OPA3: variants seen among roughly 807,000 people sequenced by gnomAD.
The protein encoded by OPA3 is outer mitochondrial membrane lipid metabolism regulator OPA3.
In OPA3, 6 loss-of-function variants were observed where a neutral mutation model predicts 4.0. That is an observed-to-expected ratio of 1.51 (90% confidence interval 0.83 to 2.99). The LOEUF (loss-of-function observed/expected upper bound fraction) is 2.99. Among genes scored for constraint, OPA3 ranks in the 30% most tolerant of loss-of-function variants. The pLI, the probability that OPA3 is intolerant of heterozygous loss-of-function variation, is 0.00. For synonymous variants in OPA3, 105 were observed against 117.1 expected, an observed-to-expected ratio of 0.90 and a Z score of 0.67; for missense variants, 235 against 256.2, an observed-to-expected ratio of 0.92 and a Z score of 0.56.
intron 1 of OPA3, among the ~76,000 whole-genome samples, chr19:45,557,618 G>A (rs1000068542): frequency 6.6e-5 from 10 of 152,218 alleles, no homozygotes; most frequent in African/African-American, 1.9e-4. Flanking sequence ...GCTGCGTGTC[G>A]GGTCCATTCT....
At chr19:45,539,477 C>A (rs565133247) in intron 1 of OPA3, among the ~76,000 whole-genome samples, 6 of 152,050 alleles carry the variant, frequency 3.9e-5, no homozygotes, top group Non-Finnish European at 7.4e-5. Context: ...CTGCCACGCT[C>A]GGCTAATTTC....
intron 1 of OPA3, among the ~76,000 whole-genome samples, chr19:45,565,799 A>T (rs970637823): frequency 6.6e-6 from 1 of 151,902 alleles, no homozygotes; most frequent in Non-Finnish European, 1.5e-5. Flanking sequence ...AAAGATTTTT[A>T]AATTAGCTGT....
Position 45,553,081 on chromosome 19 carries a change from T to C in OPA3, c.*433A>G. The C allele has an allele frequency of 9.2e-7, 1 of 1,090,222 alleles. No individual in the cohort carries two copies. Among genetic ancestry groups the C allele is most frequent in the African/African-American group, 1.7e-5 (1 of 59,920 alleles). 67.5% of individuals were successfully genotyped at this position (1,090,222 alleles called of 1,614,324 possible). ...TGCAACACACTGCATTTCCTTACAG[T>C]GGTCTGTGCCGATTGACAAAAAGAA... is the stretch of plus-strand genomic sequence containing the variant. On this transcript the variant is annotated 3_prime_UTR_variant, in exon 2 of 2. Coordinates refer to ENST00000263275, the MANE Select transcript of OPA3 (RefSeq NM_025136.4).
intron 1 of OPA3, among the ~76,000 whole-genome samples, chr19:45,571,695 C>T (rs1969669263): frequency 6.6e-6 from 1 of 152,102 alleles, no homozygotes; most frequent in African/African-American, 2.4e-5. Context: ...TAAACACGTC[C>T]ACCCCTTCCC....
Position 45,552,904 on chromosome 19 carries a change from G to A in OPA3, c.*610C>T. ...TTGGCCAGGCTGGTCTGGAACTCCTGACCTCAAGTGATCCGCCCGCCTCGG... is the reference window on the plus strand; with the variant it reads ...TTGGCCAGGCTGGTCTGGAACTCCTAACCTCAAGTGATCCGCCCGCCTCGG... On this transcript the variant is annotated 3_prime_UTR_variant, in exon 2 of 2. Coordinates refer to ENST00000263275, the MANE Select transcript of OPA3 (RefSeq NM_025136.4). 1 of 715,130 alleles carries A rather than the reference G, an allele frequency of 1.4e-6. No homozygotes were observed. The highest frequency in any genetic ancestry group is 1.3e-4 in the East Asian group (1 of 7,594). 44.3% of individuals were successfully genotyped at this position (715,130 alleles called of 1,614,324 possible).
intron 1 of OPA3, among the ~76,000 whole-genome samples, chr19:45,578,599 G>A (rs909425151): frequency 6.6e-6 from 1 of 151,852 alleles, no homozygotes; most frequent in African/African-American, 2.4e-5. Flanking sequence ...AGGCCAAGGC[G>A]GGCAGATCTC....
intron 1 of OPA3, among the ~76,000 whole-genome samples, chr19:45,555,003 G>A (rs1303229593): frequency 6.6e-6 from 1 of 152,092 alleles, no homozygotes; most frequent in African/African-American, 2.4e-5. Context: ...CGTTGGCCAG[G>A]CTGGTCTCGA....
chr19:45,536,808 C>T (rs938025536), intron 1 of OPA3, among the ~76,000 whole-genome samples: 3 of 152,050 alleles, frequency 2.0e-5, no homozygotes, highest in Non-Finnish European at 1.5e-5. Context: ...TTTTAAGACA[C>T]GTTGGATCAC....
chr19:45,576,669 GC>G (rs1969773727), intron 1 of OPA3, among the ~76,000 whole-genome samples: 1 of 151,998 alleles, frequency 6.6e-6, no homozygotes, highest in Non-Finnish European at 1.5e-5. Flanking sequence ...TCCAGAGGCT[GC>G]CCGCATTCCT....
At chr19:45,554,168 A>G (rs945037652) in intron 1 of OPA3, among the ~76,000 whole-genome samples, 4 of 152,230 alleles carry the variant, frequency 2.6e-5, no homozygotes, top group Non-Finnish European at 5.9e-5. Flanking sequence ...TCCAGTTGCC[A>G]GATGCTTAGT....
chr19:45,575,676 A>T (rs1969755992), intron 1 of OPA3, among the ~76,000 whole-genome samples: 1 of 152,102 alleles, frequency 6.6e-6, no homozygotes, highest in Admixed American at 6.6e-5. Context: ...GTGCGGTCAC[A>T]GCTCACTGCA....
chr19:45,529,053 C>T (rs1969026764), exon 2 of OPA3: 1 of 1,598,986 alleles, frequency 6.3e-7, no homozygotes, highest in South Asian at 1.1e-5. Flanking sequence ...GCCCCGAGAC[C>T]TCCTATTTCT....
intron 1 of OPA3, among the ~76,000 whole-genome samples, chr19:45,565,395 C>T (rs936372984): frequency 6.6e-6 from 1 of 151,716 alleles, no homozygotes; most frequent in Admixed American, 6.6e-5. Flanking sequence ...TTTGGGAGGT[C>T]GAGGCGGGTG....
intron 1 of OPA3, among the ~76,000 whole-genome samples, chr19:45,566,412 A>G (rs374737987): frequency 4.3e-4 from 64 of 150,206 alleles, no homozygotes; most frequent in African/African-American, 1.3e-3. Context: ...TGGAGTCCCA[A>G]TGAGCTGGGA....
chr19:45,543,244 C>A (rs1001982256), downstream of OPA3, among the ~76,000 whole-genome samples: 4 of 152,084 alleles, frequency 2.6e-5, no homozygotes, highest in African/African-American at 9.7e-5. Context: ...CTCCTGGGCT[C>A]ACGTGATCCT....
intron 1 of OPA3, among the ~76,000 whole-genome samples, chr19:45,564,734 TA>T: frequency 6.6e-6 from 1 of 152,334 alleles, no homozygotes; most frequent in South Asian, 2.1e-4. Flanking sequence ...CAAAGCCATT[TA>T]AAAATACACC....
chr19:45,544,119 A>T (rs1434059749), downstream of OPA3, among the ~76,000 whole-genome samples: 1 of 152,202 alleles, frequency 6.6e-6, no homozygotes, highest in Non-Finnish European at 1.5e-5. Context: ...AAGCTCATCC[A>T]ACTGGTATGA....
chr19:45,572,588 TATATATATTGATATATATC>T (rs749609303), intron 1 of OPA3, among the ~76,000 whole-genome samples: 548 of 101,576 alleles, frequency 5.4e-3, no homozygotes, highest in Middle Eastern at 0.011. Flanking sequence ...TGTATATAAA[TATATATATTGATATATATC>T]ATATATATCA....
In OPA3 at chr19:45,553,713, T is replaced by C. The variant is rs1969376209; in HGVS notation, c.341A>G (p.Glu114Gly). 5.0e-6 allele frequency: 8 copies of C among 1,609,276 alleles called. No individual in the cohort carries two copies. The highest frequency in any genetic ancestry group is 6.8e-6 in the Non-Finnish European group (8 of 1,179,360). ...CAGCGCGTTCCAGGCAGCACGCTGC[T>C]CCTCCTCCTTGTGGCGCTGCTGCGC... ...HQAQQRHKEE[E>G]QRAAWNALRD... Residue 114 changes from glutamate (E) to glycine (G), a missense_variant, in exon 2 of 2, where the codon GAG becomes GGG. Physicochemically the swap from Glu to Gly is moderately conservative, Grantham distance 98 (BLOSUM62 -2). Transcript: ENST00000263275.
Sources: allele counts gnomAD v4.1 joint callset (sites outside exome capture counted in the v4.1 genomes callset), GRCh38; gene constraint gnomAD v4.1.1; transcripts MANE v1.5; gene names NCBI Gene and HGNC (gene_info 2026-07-23, HGNC 2026-07-21).